Variants in LDLRAD4 observed in about 807,000 individuals in gnomAD.
LDLRAD4 encodes the protein low density lipoprotein receptor class A domain containing 4.
Under a neutral mutation model 17.0 loss-of-function variants are expected in LDLRAD4, and 5 were observed. That is an observed-to-expected ratio of 0.29 (90% CI 0.15 to 0.62). The LOEUF (loss-of-function observed/expected upper bound fraction) is 0.62. Ranked by LOEUF, LDLRAD4 falls within the 20% of genes least tolerant of loss-of-function variation. The pLI is 0.84. For missense variants in LDLRAD4, 340 were observed against 424.7 expected (o/e 0.80, Z 1.75); for synonymous variants, 168 against 171.8 (o/e 0.98, Z 0.17).
chr18:13,405,087 A>T (rs2087605355), intron 2 of LDLRAD4, among the ~76,000 whole-genome samples: 1 of 151,988 alleles, frequency 6.6e-6, no homozygotes, highest in Non-Finnish European at 1.5e-5. Flanking sequence ...ATTTTGATAA[A>T]CAGAAGGTAG....
intron 2 of LDLRAD4, chr18:13,421,300 G>A (rs779679199): frequency 2.6e-5 from 4 of 152,266 alleles, no homozygotes; most frequent in Non-Finnish European, 5.9e-5. Context: ...CAAGGGGTGT[G>A]GAATTAGGAG....
At chr18:13,222,567 C>T (rs1374147986) in intron 1 of LDLRAD4, among the ~76,000 whole-genome samples, 1 of 152,340 alleles carries the variant, frequency 6.6e-6, no homozygotes, top group East Asian at 1.9e-4. Context: ...ACTCTGCAGC[C>T]GGCGGCCGGC....
chr18:13,303,382 A>G (rs1004931457), intron 1 of LDLRAD4, among the ~76,000 whole-genome samples: 1 of 152,060 alleles, frequency 6.6e-6, no homozygotes, highest in Non-Finnish European at 1.5e-5. Flanking sequence ...AGTAGCTAGG[A>G]CTACAGGTGC....
intron 1 of LDLRAD4, among the ~76,000 whole-genome samples, chr18:13,244,254 T>G (rs2042846118): frequency 6.8e-6 from 1 of 147,632 alleles, no homozygotes; most frequent in Non-Finnish European, 1.5e-5. Context: ...ACTCACCCAC[T>G]CATTCTTCTA....
At chr18:13,308,013 TCTGTCC>T (rs1180301451) in intron 1 of LDLRAD4, among the ~76,000 whole-genome samples, 1 of 152,204 alleles carries the variant, frequency 6.6e-6, no homozygotes, top group African/African-American at 2.4e-5. Context: ...TGCTGTCCAC[TCTGTCC>T]CTGCCTTGTC....
intron 3 of LDLRAD4, among the ~76,000 whole-genome samples, chr18:13,468,408 T>G (rs1180125797): frequency 1.3e-5 from 2 of 152,280 alleles, no homozygotes; most frequent in East Asian, 1.9e-4. Context: ...GGTGGGACTG[T>G]AAACTAGTTC....
At chr18:13,421,886 C>T (rs538735959) in intron 2 of LDLRAD4, among the ~76,000 whole-genome samples, 190 of 152,348 alleles carry the variant, frequency 1.2e-3, no homozygotes, top group South Asian at 1.7e-3. Flanking sequence ...CAGGAGTCCT[C>T]GCTGCACCTG....
chr18:13,457,289 G>T (rs981837406), intron 3 of LDLRAD4, among the ~76,000 whole-genome samples: 2 of 152,232 alleles, frequency 1.3e-5, no homozygotes, highest in African/African-American at 4.8e-5. Flanking sequence ...CAAGGATATT[G>T]CAAAGGACAC....
chr18:13,370,057 G>A (rs564201951), intron 1 of LDLRAD4, among the ~76,000 whole-genome samples: 43 of 151,188 alleles, frequency 2.8e-4, no homozygotes, highest in African/African-American at 8.4e-4. Flanking sequence ...CTCAGCCAAC[G>A]CACTAATTAA....
rs117240754 is a variant in LDLRAD4 at position 13,268,418 on chromosome 18, G to C, written c.-466-9687G>C. Among the ~76,000 whole-genome samples, 5 of 152,328 alleles carry C rather than the reference G, an allele frequency of 3.3e-5. No homozygotes were observed. The East Asian group carries it at 9.6e-4, about 29-fold the overall frequency. ...ATGCTACTGAAGGCAGAGGAAGGGA[G>C]ATCTCTTAGGGAGTCAGCACATGCA... is the stretch of plus-strand genomic sequence containing the variant. On this transcript the variant is annotated intron_variant, in intron 1 of 5. Transcript: ENST00000399848.
intron 1 of LDLRAD4, among the ~76,000 whole-genome samples, chr18:13,265,511 A>G (rs902637645): frequency 1.3e-5 from 2 of 152,152 alleles, no homozygotes; most frequent in Non-Finnish European, 1.5e-5. Context: ...GCTCATCGCA[A>G]TTTGTCAAAA....
chr18:13,245,784 C>G (rs2145750395), intron 1 of LDLRAD4, among the ~76,000 whole-genome samples: 1 of 152,360 alleles, frequency 6.6e-6, no homozygotes, highest in Admixed American at 6.5e-5. Context: ...CCTTGCAGCT[C>G]TGCCACCTGG....
At chr18:13,602,767 T>C (rs2148647266) in intron 3 of LDLRAD4, among the ~76,000 whole-genome samples, 1 of 152,026 alleles carries the variant, frequency 6.6e-6, no homozygotes, top group East Asian at 1.9e-4. Flanking sequence ...ATTTAAAAAA[T>C]AAAAAGAAGA....
intron 3 of LDLRAD4, among the ~76,000 whole-genome samples, chr18:13,541,634 G>C (rs935818535): frequency 6.6e-6 from 1 of 152,174 alleles, no homozygotes; most frequent in East Asian, 1.9e-4. Context: ...AATACTTACT[G>C]CCTCTGAGAT....
At chr18:13,565,265 TG>T (rs1391418522) in intron 3 of LDLRAD4, among the ~76,000 whole-genome samples, 3 of 151,858 alleles carry the variant, frequency 2.0e-5, no homozygotes, top group African/African-American at 4.8e-5. Context: ...TGTCCAGGAG[TG>T]GGATGAAGGC....
In LDLRAD4 at chr18:13,331,940, A is replaced by G. The variant is rs760374291; in HGVS notation, c.-383+53752A>G. Among the ~76,000 whole-genome samples the G allele has an allele frequency of 9.2e-5, 14 of 152,296 alleles. No homozygotes were observed. In the South Asian group the frequency reaches 2.9e-3, roughly 32 times the overall value. ...GGTCTTGAACTCCTGGGCTCAAGTGATCTTCCTGCCTCAGCCTCCCAAGTA... is the reference window on the plus strand; with the variant it reads ...GGTCTTGAACTCCTGGGCTCAAGTGGTCTTCCTGCCTCAGCCTCCCAAGTA... On this transcript the variant is annotated intron_variant, in intron 1 of 5. Coordinates refer to ENST00000359446, the Ensembl canonical transcript of LDLRAD4.
intron 3 of LDLRAD4, among the ~76,000 whole-genome samples, chr18:13,544,247 G>A (rs536941373): frequency 6.0e-4 from 92 of 152,352 alleles, no homozygotes; most frequent in African/African-American, 2.1e-3. Context: ...TGATTTCCCC[G>A]TCAGAGTGCT....
intron 1 of LDLRAD4, among the ~76,000 whole-genome samples, chr18:13,366,822 T>C (rs1326762922): frequency 6.6e-6 from 1 of 152,230 alleles, no homozygotes; most frequent in Non-Finnish European, 1.5e-5. Context: ...TTCATGAGGC[T>C]GCCCTTTCAG....
intron 1 of LDLRAD4, among the ~76,000 whole-genome samples, chr18:13,358,589 TA>T (rs2144588033): frequency 6.6e-6 from 1 of 152,276 alleles, no homozygotes; most frequent in South Asian, 2.1e-4. Context: ...TCAAATGTGA[TA>T]AATCAAATTT....
Sources: allele counts gnomAD v4.1 joint callset (sites outside exome capture counted in the v4.1 genomes callset), GRCh38; gene constraint gnomAD v4.1.1; transcripts MANE v1.5; gene names NCBI Gene and HGNC (gene_info 2026-07-23, HGNC 2026-07-21).